SYT11: variants seen among roughly 807,000 people sequenced by gnomAD.
SYT11 encodes the protein synaptotagmin 11.
SYT11 carries 12 observed loss-of-function variants against 30.4 expected under a neutral mutation model. The observed-to-expected ratio is 0.39, with a 90% confidence interval of 0.25 to 0.64. The LOEUF is 0.64. Among genes scored for constraint, SYT11 ranks in the 30% least tolerant of loss-of-function variants. The probability of loss-of-function intolerance (pLI) is 0.45; values close to 1 mark genes in which losing one functional copy is unlikely to be tolerated. For synonymous variants in SYT11, 204 were observed against 216.0 expected (o/e 0.94, Z 0.49); for missense variants, 412 against 552.0 (o/e 0.75, Z 2.54).
At chr1:155,874,321 C>A (rs899546430) in intron 2 of SYT11, among the ~76,000 whole-genome samples, 1 of 102,438 alleles carries the variant, frequency 9.8e-6, no homozygotes, top group African/African-American at 2.7e-5. Context: ...GCTGAGGGAC[C>A]AAGCATGGTG....
chr1:155,871,298 C>T (rs1473754561), intron 2 of SYT11, among the ~76,000 whole-genome samples: 1 of 152,206 alleles, frequency 6.6e-6, no homozygotes, highest in Non-Finnish European at 1.5e-5. Context: ...TCTGCCGACC[C>T]ATTCTGCTGT....
chr1:155,881,615 A>T lies in SYT11; in HGVS notation c.*107A>T. 9.1e-7 allele frequency: 1 copy of T among 1,104,858 alleles called. No individual in the cohort carries two copies. The highest frequency in any genetic ancestry group is 1.3e-6 in the Non-Finnish European group (1 of 784,210). The allele number at this position is 1,104,858 out of a possible 1,614,324, so 68.4% of individuals were successfully genotyped here. On this transcript the variant is annotated 3_prime_UTR_variant, in exon 4 of 4. Transcript: ENST00000368324. ...CCAAACCTCATTTTAGTTGTAGAAG[A>T]AAATTTCTTACAAAACAAATTCCAC...
At position 155,881,195 on chromosome 1, in the gene SYT11, C is replaced by T; in HGVS notation, c.986-3C>T. The T allele has an allele frequency of 6.2e-7, 1 of 1,611,308 alleles. No individual in the cohort carries two copies. Among genetic ancestry groups the T allele is most frequent in the African/African-American group, 1.3e-5 (1 of 74,932 alleles). The stretch of plus-strand genomic sequence containing the variant: ...CTTTTTCTTATCTCTTTGGGGGCCC[C>T]AGATCCTTATGTCAAGGTGAACGTC... On this transcript the variant is annotated splice_region_variant and splice_polypyrimidine_tract_variant and intron_variant, in intron 3 of 3. Transcript: ENST00000368324.
intron 1 of SYT11, 113 bp downstream of exon 1, chr1:155,859,908 C>T: frequency 9.3e-7 from 1 of 1,071,922 alleles, no homozygotes; most frequent in Non-Finnish European, 1.4e-6. Flanking sequence ...AAAATGCCAG[C>T]CCCACTAAAA....
chr1:155,876,980 TTC>T (rs1412157700), intron 2 of SYT11, among the ~76,000 whole-genome samples: 2 of 149,610 alleles, frequency 1.3e-5, no homozygotes, highest in Non-Finnish European at 3.0e-5. Flanking sequence ...TTTTTTTTTT[TTC>T]CTGAGACGGA....
In SYT11 at chr1:155,871,106, A is replaced by T. The variant is rs1051631096; in HGVS notation, c.861+2315A>T. Among the ~76,000 whole-genome samples, 10 of 152,302 alleles carry T rather than the reference A, an allele frequency of 6.6e-5. No homozygotes were observed. In the East Asian group the frequency reaches 1.9e-3, roughly 29 times the overall value. Reference sequence around the variant, plus strand: ...TGGTGAACGTCAGAGCATAAACAAGACACTGCCACAACATCTTGTGGTTCT... The same window carrying T: ...TGGTGAACGTCAGAGCATAAACAAGTCACTGCCACAACATCTTGTGGTTCT... On this transcript the variant is annotated intron_variant, in intron 2 of 3. Coordinates refer to ENST00000368324, the MANE Select transcript of SYT11 (RefSeq NM_152280.5).
chr1:155,876,587 C>T (rs1672865868), intron 2 of SYT11, among the ~76,000 whole-genome samples: 1 of 151,878 alleles, frequency 6.6e-6, no homozygotes, highest in African/African-American at 2.4e-5. Flanking sequence ...AGCCTCATCC[C>T]CACTTTCTAA....
chr1:155,877,084 C>T (rs1469461710), intron 2 of SYT11, among the ~76,000 whole-genome samples: 1 of 151,776 alleles, frequency 6.6e-6, no homozygotes, highest in African/African-American at 2.4e-5. Flanking sequence ...TCTCCTGCCT[C>T]AGCCTCCTAA....
intron 1 of SYT11, 40 bp downstream of exon 1, chr1:155,859,835 A>G (rs1388656445): frequency 6.2e-7 from 1 of 1,606,602 alleles, no homozygotes; most frequent in Non-Finnish European, 8.5e-7. Context: ...GGTGGTCAGA[A>G]TGGTTGCAAG....
intron 2 of SYT11, among the ~76,000 whole-genome samples, chr1:155,878,349 GC>G (rs1672902714): frequency 6.6e-6 from 1 of 152,006 alleles, no homozygotes; most frequent in Non-Finnish European, 1.5e-5. Flanking sequence ...CTCTAGCCTT[GC>G]CCACCTTTCC....
intron 2 of SYT11, among the ~76,000 whole-genome samples, chr1:155,874,473 G>A (rs531007694): frequency 6.6e-6 from 1 of 151,452 alleles, no homozygotes; most frequent in Non-Finnish European, 1.5e-5. Context: ...GGTAGCACAT[G>A]CCTGTAGTCC....
Position 155,868,536 on chromosome 1 carries a change from C to T in SYT11, c.606C>T (p.Ile202=), listed in dbSNP as rs1192905178. The T allele has an allele frequency of 1.2e-6, 2 of 1,614,188 alleles. No homozygotes were observed. Among genetic ancestry groups the T allele is most frequent in the Admixed American group, 1.7e-5 (1 of 60,026 alleles). Reference sequence around the variant, plus strand: ...CTGACCCCTACATCAAAATGACCATCCTTCCTGACAAACGGCATCGGGTGA... The same window carrying T: ...CTGACCCCTACATCAAAATGACCATTCTTCCTGACAAACGGCATCGGGTGA... The part of the protein sequence containing the change: ...QGSDPYIKMT[I]LPDKRHRVKT... Residue 202 remains isoleucine, a synonymous_variant, in exon 2 of 4, where the codon ATC becomes ATT. Transcript: ENST00000368324. The surrounding 1 kb of genome is among the most constrained non-coding windows in gnomAD (Gnocchi z 4.7).
In SYT11 at chr1:155,868,883, T is replaced by G. The variant is rs1571974878; in HGVS notation, c.861+92T>G. On this transcript the variant is annotated intron_variant, in intron 2 of 3. Transcript: ENST00000368324. The surrounding 1 kb of genome is among the most constrained non-coding windows in gnomAD (Gnocchi z 4.7). The stretch of plus-strand genomic sequence containing the variant: ...GGAAGTGGGAGGGGAGTGGGTTGGG[T>G]GGCAAAGAAGGGCTGTAGAGAGGAA... The G allele has an allele frequency of 7.8e-7, 1 of 1,285,024 alleles. No homozygotes were observed. The highest frequency in any genetic ancestry group is 1.4e-5 in the South Asian group (1 of 69,744). 79.6% of individuals were successfully genotyped at this position (1,285,024 alleles called of 1,614,324 possible).
intron 1 of SYT11, among the ~76,000 whole-genome samples, chr1:155,864,871 A>G (rs1417732404): frequency 2.0e-5 from 3 of 151,880 alleles, no homozygotes; most frequent in South Asian, 4.2e-4. Context: ...CCACCATGCC[A>G]GGCTAAGTTT....
chr1:155,876,090 CTATTT>C (rs1672854375), intron 2 of SYT11, among the ~76,000 whole-genome samples: 1 of 152,024 alleles, frequency 6.6e-6, no homozygotes, highest in Non-Finnish European at 1.5e-5. Context: ...TGAGCATAGT[CTATTT>C]TTGCTCAATT....
At chr1:155,881,097 A>G in intron 3 of SYT11, 101 bp from the exon 4 acceptor site, 2 of 1,292,186 alleles carry the variant, frequency 1.5e-6, no homozygotes, top group South Asian at 2.8e-5. Flanking sequence ...AAAGATACGA[A>G]CAACAGAGCC....
intron 1 of SYT11, 91 bp downstream of exon 1, chr1:155,859,886 AC>A: frequency 7.9e-7 from 1 of 1,265,674 alleles, no homozygotes; most frequent in Non-Finnish European, 1.2e-6. Context: ...TGCAGCCCAG[AC>A]CAGAGCCTTC....
rs1571982873 is a variant in SYT11, at chr1:155,883,095, A to G, written c.*1587A>G. 1 of 152,464 alleles carries G rather than the reference A, an allele frequency of 6.6e-6. No individual in the cohort carries two copies. Among genetic ancestry groups the G allele is most frequent in the African/African-American group, 2.4e-5 (1 of 41,586 alleles). The allele number at this position is 152,464 out of a possible 1,614,324, so 9.4% of individuals were successfully genotyped here. On this transcript the variant is annotated 3_prime_UTR_variant, in exon 4 of 4. Coordinates refer to ENST00000368324, the MANE Select transcript of SYT11 (RefSeq NM_152280.5). Reference sequence around the variant, plus strand: ...GGTGGAGGGATGGAGGAACTACAGGATGCAATTCTTCTTCTACCAATGGGC... The same window carrying G: ...GGTGGAGGGATGGAGGAACTACAGGGTGCAATTCTTCTTCTACCAATGGGC...
Position 155,881,127 on chromosome 1 carries a change from A to G in SYT11, c.986-71A>G, listed in dbSNP as rs919737233. 4.7e-6 allele frequency: 7 copies of G among 1,488,008 alleles called. No individual in the cohort carries two copies. The Admixed American group carries it at 1.3e-4, about 28-fold the overall frequency. The allele number at this position is 1,488,008 out of a possible 1,614,324, so 92.2% of individuals were successfully genotyped here. On this transcript the variant is annotated intron_variant, in intron 3 of 3. Coordinates refer to ENST00000368324, the MANE Select transcript of SYT11 (RefSeq NM_152280.5). ...AGAGCCCCCCCTTTCCCAACATGAA[A>G]TTACCATTACATAGGAGAGGACTGT...
Sources: gnomAD v4.1 joint callset for allele counts (sites outside exome capture counted in the v4.1 genomes callset) on GRCh38, gnomAD v4.1.1 for gene constraint, Gnocchi (gnomAD v3.1) non-coding constraint, MANE v1.5 for transcripts, NCBI Gene and HGNC (gene_info 2026-07-23, HGNC 2026-07-21) for gene names.